Variants in TBCEL observed in about 807,000 individuals in gnomAD.
TBCEL encodes the protein tubulin-specific chaperone cofactor E-like protein.
Under a neutral mutation model 44.2 loss-of-function variants are expected in TBCEL, and 15 were observed. That is an observed-to-expected ratio of 0.34 (90% CI 0.23 to 0.52). The LOEUF (loss-of-function observed/expected upper bound fraction) is 0.52, where lower values mean the gene tolerates loss of function less well. Ranked by LOEUF, TBCEL falls within the 20% of genes least tolerant of loss-of-function variation. The pLI, the probability that TBCEL is intolerant of heterozygous loss-of-function variation, is 0.95. For missense variants in TBCEL, 319 were observed against 506.3 expected (o/e 0.63, Z 3.55); for synonymous variants, 171 against 185.4 (o/e 0.92, Z 0.63).
intron 8 of TBCEL, among the ~76,000 whole-genome samples, chr11:121,085,047 T>C (rs1239617858): frequency 6.6e-6 from 1 of 150,912 alleles, no homozygotes; most frequent in Non-Finnish European, 1.5e-5. Flanking sequence ...ATAATTATTA[T>C]TATTTTTCTA....
At position 121,055,175 on chromosome 11, in the gene TBCEL, A is replaced by G; in HGVS notation, c.579A>G (p.Arg193=). Residue 193 remains arginine, a synonymous_variant, in exon 6 of 9, where the codon CGA becomes CGG. Coordinates refer to ENST00000683345, the MANE Select transcript of TBCEL (RefSeq NM_001363644.2). ...ACCTCCAAGACTGGACTGAAATACG[A>G]AAGTTAGGAGTTATGTTTCCTTCAC... ...DNNLQDWTEI[R]KLGVMFPSLD... 2 of 1,612,370 alleles carry G rather than the reference A, an allele frequency of 1.2e-6. No individual in the cohort carries two copies. Among genetic ancestry groups the G allele is most frequent in the East Asian group, 2.2e-5 (1 of 44,824 alleles).
At chr11:121,052,407 A>G (rs1009863784) in intron 4 of TBCEL, among the ~76,000 whole-genome samples, 3 of 151,828 alleles carry the variant, frequency 2.0e-5, no homozygotes, top group Admixed American at 1.3e-4. Flanking sequence ...CAAATGAGGA[A>G]ACTGAGATTT....
At chr11:121,053,342 T>C (rs1945562657) in intron 4 of TBCEL, among the ~76,000 whole-genome samples, 2 of 151,948 alleles carry the variant, frequency 1.3e-5, no homozygotes, top group African/African-American at 4.8e-5. Context: ...CAGTCAGTTA[T>C]GCCACTATTT....
At chr11:121,037,649 T>C (rs1381672875) in intron 2 of TBCEL, among the ~76,000 whole-genome samples, 1 of 152,202 alleles carries the variant, frequency 6.6e-6, no homozygotes, top group Non-Finnish European at 1.5e-5. Context: ...CATGGACTAT[T>C]TAGCAAAAAG....
In TBCEL at chr11:121,090,462, G is replaced by A. The variant is rs1946273901; in HGVS notation, c.*3366G>A. ...AATTTGATTTTTCCCTTCATTTCATGTCATATTGAAAATGCAAACAAACTG... is the reference window on the plus strand; with the variant it reads ...AATTTGATTTTTCCCTTCATTTCATATCATATTGAAAATGCAAACAAACTG... On this transcript the variant is annotated 3_prime_UTR_variant, in exon 9 of 9. Coordinates refer to ENST00000683345, the MANE Select transcript of TBCEL (RefSeq NM_001363644.2). The A allele has an allele frequency of 4.6e-5, 7 of 151,814 alleles. No homozygotes were observed. Among genetic ancestry groups the A allele is most frequent in the Admixed American group, 3.3e-4 (5 of 15,204 alleles). The allele number at this position is 151,814 out of a possible 1,614,324, so 9.4% of individuals were successfully genotyped here.
intron 4 of TBCEL, among the ~76,000 whole-genome samples, chr11:121,048,297 T>C (rs1006566483): frequency 6.6e-6 from 1 of 151,974 alleles, no homozygotes; most frequent in Non-Finnish European, 1.5e-5. Context: ...ACTTTTCTTA[T>C]ATTATCAAAT....
At chr11:121,076,476 C>G (rs986907517) in intron 8 of TBCEL, among the ~76,000 whole-genome samples, 3 of 152,012 alleles carry the variant, frequency 2.0e-5, no homozygotes, top group Middle Eastern at 6.8e-3. Context: ...TTCAGTTGTT[C>G]ACTGCTAGGC....
At chr11:121,025,251 C>T (rs1277328339) in intron 1 of TBCEL, among the ~76,000 whole-genome samples, 2 of 152,104 alleles carry the variant, frequency 1.3e-5, no homozygotes, top group Non-Finnish European at 2.9e-5. Flanking sequence ...GGGCTTGTCC[C>T]TTGTTCATGT....
intron 1 of TBCEL, among the ~76,000 whole-genome samples, chr11:121,028,300 A>G (rs1055376070): frequency 6.6e-6 from 1 of 152,216 alleles, no homozygotes; most frequent in Non-Finnish European, 1.5e-5. Flanking sequence ...GAATCTAGGA[A>G]TCTGCATTTT....
At chr11:121,075,029 A>T (rs888575788) in intron 8 of TBCEL, among the ~76,000 whole-genome samples, 1 of 151,976 alleles carries the variant, frequency 6.6e-6, no homozygotes, top group Admixed American at 6.6e-5. Context: ...AAACTAAAAC[A>T]TACACACACA....
chr11:121,041,519 A>T (rs1172687353), intron 2 of TBCEL, among the ~76,000 whole-genome samples: 1 of 152,160 alleles, frequency 6.6e-6, no homozygotes, highest in East Asian at 1.9e-4. Context: ...GGCTTTCAGC[A>T]CCAATTCAGA....
chr11:121,050,873 C>T (rs1316879475), intron 4 of TBCEL, among the ~76,000 whole-genome samples: 1 of 151,668 alleles, frequency 6.6e-6, no homozygotes, highest in African/African-American at 2.4e-5. Context: ...CATGAGCATA[C>T]TCATTCCAGT....
rs1945449505 is a variant in TBCEL, at chr11:121,047,427, A to C, written c.134-101A>C. 7 of 1,379,750 alleles carry C rather than the reference A, an allele frequency of 5.1e-6. No homozygotes were observed. In the South Asian group the frequency reaches 7.7e-5, roughly 15 times the overall value. The allele number at this position is 1,379,750 out of a possible 1,614,324, so 85.5% of individuals were successfully genotyped here. On this transcript the variant is annotated intron_variant, in intron 3 of 8. Transcript: ENST00000683345. ...ATTTTCTAGATCCTTATGTAATTTCACACAGTTTGATTTTTGTTTCTTGAC... is the reference window on the plus strand; with the variant it reads ...ATTTTCTAGATCCTTATGTAATTTCCCACAGTTTGATTTTTGTTTCTTGAC...
chr11:121,047,225 G>A (rs968369724), intron 3 of TBCEL, among the ~76,000 whole-genome samples: 3 of 152,048 alleles, frequency 2.0e-5, no homozygotes, highest in Admixed American at 2.0e-4. Context: ...CAGATGATAA[G>A]ATGATAGCGT....
Position 121,087,150 on chromosome 11 carries a change from G to A in TBCEL, c.*54G>A. 1 of 1,508,368 alleles carries A rather than the reference G, an allele frequency of 6.6e-7. No homozygotes were observed. Among genetic ancestry groups the A allele is most frequent in the East Asian group, 2.3e-5 (1 of 44,058 alleles). The allele number at this position is 1,508,368 out of a possible 1,614,324, so 93.4% of individuals were successfully genotyped here. On this transcript the variant is annotated 3_prime_UTR_variant, in exon 9 of 9. Coordinates refer to ENST00000683345, the MANE Select transcript of TBCEL (RefSeq NM_001363644.2). ...CATAAGGACTTGTTGCAGGGCATTT[G>A]TTTTTAATGTGGTTTTCTTTAGGAG... is the stretch of plus-strand genomic sequence containing the variant.
intron 1 of TBCEL, among the ~76,000 whole-genome samples, chr11:121,033,255 T>C (rs1945174465): frequency 6.6e-6 from 1 of 151,618 alleles, no homozygotes; most frequent in East Asian, 1.9e-4. Context: ...CTATTAAAAC[T>C]TTTATTATAT....
At chr11:121,081,021 A>C (rs1025599901) in intron 8 of TBCEL, among the ~76,000 whole-genome samples, 3 of 152,142 alleles carry the variant, frequency 2.0e-5, no homozygotes, top group African/African-American at 7.2e-5. Flanking sequence ...TATCACCTTC[A>C]ACCCCACACT....
chr11:121,067,993 A>G (rs1217808304), intron 8 of TBCEL, among the ~76,000 whole-genome samples: 3 of 152,056 alleles, frequency 2.0e-5, no homozygotes, highest in Non-Finnish European at 4.4e-5. Flanking sequence ...AACCTCTAAA[A>G]CTTGAGTTAC....
rs776567707 is a variant in TBCEL, at chr11:121,047,537, A to G, written c.143A>G (p.Asn48Ser). 6.8e-6 allele frequency: 11 copies of G among 1,612,176 alleles called. No individual in the cohort carries two copies. The highest frequency in any genetic ancestry group is 3.3e-5 in the Admixed American group (2 of 59,878). Residue 48 changes from asparagine to serine, a missense_variant, in exon 4 of 9, where the codon AAC (asparagine) becomes AGC (serine). Coordinates refer to ENST00000683345, the MANE Select transcript of TBCEL (RefSeq NM_001363644.2). ...PQGSPMKDRL[N>S]LPSVLVLNSC... ...GTCTCTCATCATTCAGATCGCCTCA[A>G]CCTCCCAAGTGTACTAGTGTTGAAC...
Sources: gnomAD v4.1 joint callset for allele counts (sites outside exome capture counted in the v4.1 genomes callset) on GRCh38, gnomAD v4.1.1 for gene constraint, MANE v1.5 for transcripts, NCBI Gene and HGNC (gene_info 2026-07-23, HGNC 2026-07-21) for gene names.